Variants in ITPK1 observed in about 807,000 individuals in gnomAD.
ITPK1 encodes the protein inositol 1,3,4-trisphosphate 5/6-kinase.
A neutral mutation model predicts 45.3 loss-of-function variants in ITPK1; 21 were observed. The ratio of observed to expected loss-of-function variants is 0.46; its 90% CI spans 0.33 to 0.67. The LOEUF is 0.67. ITPK1 is among the 30% of genes least tolerant of loss of function. The probability of loss-of-function intolerance (pLI) is 0.02; values close to 1 mark genes in which losing one functional copy is unlikely to be tolerated. For missense variants in ITPK1, 474 were observed against 573.5 expected, an observed-to-expected ratio of 0.83 and a Z score of 1.77; for synonymous variants, 258 against 253.6, an observed-to-expected ratio of 1.02 and a Z score of -0.16.
At chr14:93,060,842 A>G (rs551524075) in intron 3 of ITPK1, among the ~76,000 whole-genome samples, 1 of 152,336 alleles carries the variant, frequency 6.6e-6, no homozygotes, top group East Asian at 1.9e-4. Context: ...CAGTTTCCTC[A>G]TCTGCAAAAT....
At chr14:93,035,793 C>T (rs4381516) in intron 3 of ITPK1, among the ~76,000 whole-genome samples, 4,174 of 152,300 alleles carry the variant, frequency 0.027, 97 homozygotes, top group Admixed American at 0.085. Context: ...AGGCAGGTTT[C>T]AACCCACCCA....
At chr14:93,018,413 T>A (rs1888299425) in intron 3 of ITPK1, among the ~76,000 whole-genome samples, 1 of 152,098 alleles carries the variant, frequency 6.6e-6, no homozygotes, top group African/African-American at 2.4e-5. Flanking sequence ...CCTGTGATGG[T>A]CCCTTACTAA....
In ITPK1 at chr14:93,014,819, G is replaced by A. The variant is rs1888091128; in HGVS notation, c.246+1857C>T. ...GCAAGTGGGTCAACCGCCATGAAGCGCTTTCGAGCAGGGCTTGGTAAGCGG... is the reference window on the plus strand; with the variant it reads ...GCAAGTGGGTCAACCGCCATGAAGCACTTTCGAGCAGGGCTTGGTAAGCGG... On this transcript the variant is annotated intron_variant, in intron 4 of 10. Transcript: ENST00000267615. The surrounding 1 kb of genome is among the most constrained non-coding windows in gnomAD (Gnocchi z 4.4). Among the ~76,000 whole-genome samples the A allele has an allele frequency of 2.6e-5, 4 of 152,240 alleles. No homozygotes were observed. The highest frequency in any genetic ancestry group is 1.3e-4 in the Admixed American group (2 of 15,292).
chr14:93,073,006 C>T (rs1566770574), intron 3 of ITPK1, among the ~76,000 whole-genome samples: 1 of 152,244 alleles, frequency 6.6e-6, no homozygotes, highest in Non-Finnish European at 1.5e-5. Flanking sequence ...TGTACTTGAC[C>T]ACCAGGAGGG....
At chr14:92,953,403 T>C (rs962923785) in intron 8 of ITPK1, among the ~76,000 whole-genome samples, 2 of 152,070 alleles carry the variant, frequency 1.3e-5, no homozygotes, top group Non-Finnish European at 2.9e-5. Flanking sequence ...AGGACATGTG[T>C]CATGTGGCCC....
rs182084543 is a variant in ITPK1 at position 93,009,098 on chromosome 14, T to C, written c.246+7578A>G. ...ATGAGGGGCAGGGTGGGGAGTGCTG[T>C]TGGCATCTGGTAATGAGCAGCCGGG... On this transcript the variant is annotated intron_variant, in intron 4 of 10. Transcript: ENST00000267615. 3.3e-4 allele frequency among the ~76,000 whole-genome samples: 50 copies of C among 152,260 alleles called. No individual in the cohort carries two copies. The East Asian group carries it at 7.0e-3, about 21-fold the overall frequency.
chr14:93,109,129 C>A (rs544519963), intron 2 of ITPK1, among the ~76,000 whole-genome samples: 1 of 152,258 alleles, frequency 6.6e-6, no homozygotes, highest in South Asian at 2.1e-4. Context: ...CTGCCCATAC[C>A]AGCAGAAACC....
chr14:92,975,541 G>A (rs1404286966), intron 5 of ITPK1, among the ~76,000 whole-genome samples: 1 of 152,208 alleles, frequency 6.6e-6, no homozygotes, highest in African/African-American at 2.4e-5. Context: ...GGGCCACAGG[G>A]TTCCCACATA....
At chr14:93,026,763 G>A (rs1025222382) in intron 3 of ITPK1, among the ~76,000 whole-genome samples, 3 of 151,752 alleles carry the variant, frequency 2.0e-5, no homozygotes, top group African/African-American at 2.4e-5. Flanking sequence ...GGAAGACCAT[G>A]CTGCCACAGA....
At chr14:93,099,207 T>C (rs1892210694) in intron 2 of ITPK1, among the ~76,000 whole-genome samples, 1 of 152,236 alleles carries the variant, frequency 6.6e-6, no homozygotes, top group Admixed American at 6.5e-5. Flanking sequence ...CGGAGTGTCC[T>C]GGACAGGAGT....
chr14:93,097,991 CA>C, intron 2 of ITPK1, among the ~76,000 whole-genome samples: 1 of 152,060 alleles, frequency 6.6e-6, no homozygotes, highest in East Asian at 1.9e-4. Context: ...GCCTGGGCGA[CA>C]AGAGCAAAAC....
Position 92,941,575 on chromosome 14 carries a change from C to A in ITPK1, c.1231G>T (p.Ala411Ser), listed in dbSNP as rs755761921. The part of the protein sequence containing the change: ...QHCVASLATK[A>S]SSQ ...CGGCTCCGTGGCTACTGGGAGGAGGCCTTGGTGGCCAGGGAGGCCACACAA... is the reference window on the plus strand; with the variant it reads ...CGGCTCCGTGGCTACTGGGAGGAGGACTTGGTGGCCAGGGAGGCCACACAA... Residue 411 changes from alanine (A) to serine (S), a missense_variant, in exon 11 of 11, where the codon GCC becomes TCC. This residue lies in a region of ITPK1 where 107 missense variants were observed against 92.9 expected (regional missense o/e 1.15). Coordinates refer to ENST00000267615, the MANE Select transcript of ITPK1 (RefSeq NM_014216.6). 3.1e-5 allele frequency: 47 copies of A among 1,535,984 alleles called. No homozygotes were observed. Among genetic ancestry groups the A allele is most frequent in the Non-Finnish European group, 4.0e-5 (46 of 1,144,042 alleles).
intron 4 of ITPK1, among the ~76,000 whole-genome samples, chr14:93,006,748 C>A (rs535482300): frequency 3.3e-5 from 5 of 152,088 alleles, no homozygotes; most frequent in Non-Finnish European, 7.4e-5. Flanking sequence ...GGTGTTCAGG[C>A]CAAAAAATAA....
chr14:93,114,833 T>G (rs1892874151), intron 2 of ITPK1, among the ~76,000 whole-genome samples: 1 of 152,066 alleles, frequency 6.6e-6, no homozygotes, highest in Non-Finnish European at 1.5e-5. Context: ...CGGGTCACAG[T>G]GCACCTGAAC....
chr14:93,104,057 G>A (rs1381035142), intron 2 of ITPK1, among the ~76,000 whole-genome samples: 1 of 152,102 alleles, frequency 6.6e-6, no homozygotes, highest in Admixed American at 6.6e-5. Flanking sequence ...TTGGCCCTAG[G>A]GCGGGTGCAC....
chr14:93,012,837 G>A lies in ITPK1; in HGVS notation c.246+3839C>T. Among the ~76,000 whole-genome samples the A allele has an allele frequency of 6.6e-6, 1 of 152,222 alleles. No homozygotes were observed. Among genetic ancestry groups the A allele is most frequent in the East Asian group, 1.9e-4 (1 of 5,200 alleles). On this transcript the variant is annotated intron_variant, in intron 4 of 10. Coordinates refer to ENST00000267615, the MANE Select transcript of ITPK1 (RefSeq NM_014216.6). The surrounding 1 kb of genome is among the most constrained non-coding windows in gnomAD (Gnocchi z 4.9). The stretch of plus-strand genomic sequence containing the variant: ...CTAAGCTTATTCAGGGAGAACCCCA[G>A]GAAGGTCCCCCGAGGCAGCCCCACA...
At chr14:92,962,213 G>A (rs1350086259) in intron 7 of ITPK1, 142 bp downstream of exon 7, 2 of 721,978 alleles carry the variant, frequency 2.8e-6, no homozygotes, top group Non-Finnish European at 5.1e-6. Flanking sequence ...TCCAGGGAAG[G>A]GAAGGAGGCT....
In ITPK1 at chr14:92,938,748, C is replaced by T; in HGVS notation, c.*2813G>A. 5 of 593,330 alleles carry T rather than the reference C, an allele frequency of 8.4e-6. No individual in the cohort carries two copies. The highest frequency in any genetic ancestry group is 2.8e-5 in the East Asian group (1 of 35,674). The allele number at this position is 593,330 out of a possible 1,614,324, so 36.8% of individuals were successfully genotyped here. Reference sequence around the variant, plus strand: ...GGGCAAAGCACCAGTTCCAGGGTGGCCTCCCCTTGGCTCTTGGGGTGGGGA... The same window carrying T: ...GGGCAAAGCACCAGTTCCAGGGTGGTCTCCCCTTGGCTCTTGGGGTGGGGA... On this transcript the variant is annotated 3_prime_UTR_variant, in exon 11 of 11. Coordinates refer to ENST00000267615, the MANE Select transcript of ITPK1 (RefSeq NM_014216.6).
intron 3 of ITPK1, among the ~76,000 whole-genome samples, chr14:93,017,396 T>C (rs907449835): frequency 1.3e-5 from 2 of 152,232 alleles, no homozygotes; most frequent in African/African-American, 2.4e-5. Context: ...CGAAGGCGCG[T>C]AGGGCTGCCT....
Sources: gnomAD v4.1 joint callset for allele counts (sites outside exome capture counted in the v4.1 genomes callset) on GRCh38, gnomAD v4.1.1 for gene constraint, gnomAD v4.1.1 regional missense constraint, Gnocchi (gnomAD v3.1) non-coding constraint, MANE v1.5 for transcripts, NCBI Gene and HGNC (gene_info 2026-07-23, HGNC 2026-07-21) for gene names.